Variants in FBXL22 observed in about 807,000 individuals in gnomAD.
FBXL22 encodes F-box and leucine rich repeat protein 22.
In FBXL22, 13 loss-of-function variants were observed where a neutral mutation model predicts 11.7. The observed-to-expected ratio is 1.11, with a 90% CI of 0.73 to 1.77. The LOEUF is 1.77. Among genes scored for constraint, FBXL22 ranks in the 40% most tolerant of loss-of-function variants. FBXL22 has a pLI of 0.00. For missense variants in FBXL22, 406 were observed against 320.4 expected (o/e 1.27, Z -2.04); for synonymous variants, 160 against 144.1 (o/e 1.11, Z -0.79).
chr15:63,607,084 C>T (rs1405396556), downstream of FBXL22, among the ~76,000 whole-genome samples: 3 of 149,838 alleles, frequency 2.0e-5, no homozygotes, highest in East Asian at 2.0e-4. Flanking sequence ...CTCACTCTGT[C>T]GCCCAGGCTA....
At chr15:63,599,870 C>A in intron 1 of FBXL22, 1 of 985,738 alleles carries the variant, frequency 1.0e-6, no homozygotes, top group African/African-American at 1.7e-5. Flanking sequence ...CCGTTGCAGG[C>A]TCCTCACAAC....
intron 1 of FBXL22, 140 bp from the exon 2 acceptor site, chr15:63,600,557 C>T (rs2067350710): frequency 8.1e-7 from 1 of 1,229,576 alleles, no homozygotes; most frequent in South Asian, 4.3e-5. Context: ...GACTTGGAAC[C>T]CTGCAGTGTC....
chr15:63,600,412 C>T (rs1157713262), intron 1 of FBXL22: 1 of 1,181,610 alleles, frequency 8.5e-7, no homozygotes, highest in Non-Finnish European at 1.0e-6. Flanking sequence ...CACAGCCGCC[C>T]CAGGACTCTG....
rs757169970 is a variant in FBXL22 at position 63,597,556 on chromosome 15, G to A, written c.164G>A (p.Arg55His). The A allele has an allele frequency of 2.3e-5, 37 of 1,614,016 alleles. No individual in the cohort carries two copies. Among genetic ancestry groups the A allele is most frequent in the Middle Eastern group, 3.3e-4 (2 of 6,084 alleles). ...DPALWSLLHF[R>H]SLTELQKDNF... Reference sequence around the variant, plus strand: ...GCACTCTGGTCCCTGCTGCACTTCCGTTCCCTCACTGAACTCCAGAAGGAC... The same window carrying A: ...GCACTCTGGTCCCTGCTGCACTTCCATTCCCTCACTGAACTCCAGAAGGAC... Residue 55 changes from arginine (R) to histidine (H), a missense_variant, in exon 1 of 2, where the codon CGT becomes CAT. Arg to His is a conservative substitution (Grantham distance 29, BLOSUM62 0). Transcript: ENST00000638704. The surrounding 1 kb of genome is among the most constrained non-coding windows in gnomAD (Gnocchi z 4.3).
At chr15:63,599,297 T>G in intron 1 of FBXL22, 2 of 1,484,464 alleles carry the variant, frequency 1.3e-6, no homozygotes, top group Middle Eastern at 1.7e-4. Flanking sequence ...CGCTCTTTGT[T>G]TTTTCCCTGT....
intron 1 of FBXL22, among the ~76,000 whole-genome samples, chr15:63,598,147 G>GGA: frequency 6.6e-6 from 1 of 152,254 alleles, no homozygotes; most frequent in African/African-American, 2.4e-5. Context: ...GGGAAACTAC[G>GGA]GAGGAAAGAG....
downstream of FBXL22, chr15:63,601,391 G>A: frequency 6.2e-7 from 1 of 1,600,688 alleles, no homozygotes; most frequent in Non-Finnish European, 8.5e-7. Context: ...CGGTGGGGAG[G>A]ACCTGACCAC....
chr15:63,597,631 C>T lies in FBXL22; in HGVS notation c.239C>T (p.Ser80Phe), dbSNP rs779673468. Residue 80 changes from serine (S) to phenylalanine (F), a missense_variant, in exon 1 of 2, where the codon TCC (serine) becomes TTC (phenylalanine). Coordinates refer to ENST00000638704, the MANE Select transcript of FBXL22 (RefSeq NM_001367807.1). This position sits in a 1 kb window ranked among gnomAD's most constrained non-coding sequence, Gnocchi z 4.3. ...CGCAGCCTCTCCATCTGCTGGCACTCCAGCCGCGTGCAGGTGTGCAGCATT... is the reference window on the plus strand; with the variant it reads ...CGCAGCCTCTCCATCTGCTGGCACTTCAGCCGCGTGCAGGTGTGCAGCATT... ...ALRSLSICWH[S>F]SRVQVCSIED... 6.2e-7 allele frequency: 1 copy of T among 1,613,598 alleles called. No individual in the cohort carries two copies. Among genetic ancestry groups the T allele is most frequent in the Admixed American group, 1.7e-5 (1 of 60,034 alleles).
At chr15:63,602,649 A>G (rs2067388636), downstream of FBXL22, among the ~76,000 whole-genome samples, 1 of 151,518 alleles carries the variant, frequency 6.6e-6, no homozygotes, top group African/African-American at 2.4e-5. Flanking sequence ...GGCTGTAACA[A>G]GGGCTATTAG....
chr15:63,599,489 T>C, intron 1 of FBXL22: 7 of 1,197,910 alleles, frequency 5.8e-6, no homozygotes, highest in Non-Finnish European at 7.3e-6. Flanking sequence ...CACCAGCCAG[T>C]CACCTGAGCT....
Position 63,600,924 on chromosome 15 carries a change from GCGCCGCGTGCC to G in FBXL22, c.585_595del (p.Ala196ProfsTer89). 1 of 1,210,958 alleles carries G rather than the reference GCGCCGCGTGCC, an allele frequency of 8.3e-7. No homozygotes were observed. The highest frequency in any genetic ancestry group is 1.0e-6 in the Non-Finnish European group (1 of 974,648). The allele number at this position is 1,210,958 out of a possible 1,614,324, so 75.0% of individuals were successfully genotyped here. Reference sequence around the variant, plus strand: ...AGCGCGGCCGGCCTGCGCCGCCTGCGCGCCGCGTGCCCGCGCCTGGCCCTGCGGGCAGAGCA... The same window carrying G: ...AGCGCGGCCGGCCTGCGCCGCCTGCGCGCGCCTGGCCCTGCGGGCAGAGCA... On this transcript the variant is annotated frameshift_variant, in exon 2 of 2. Transcript: ENST00000638704. LOFTEE classifies it high-confidence loss of function.
chr15:63,606,429 T>C (rs1010397112), downstream of FBXL22, among the ~76,000 whole-genome samples: 3 of 152,176 alleles, frequency 2.0e-5, no homozygotes, highest in South Asian at 2.1e-4. Context: ...ATCTGTTAAG[T>C]GAATGAGGCC....
In FBXL22 at chr15:63,597,599, G is replaced by C. The variant is rs538968144; in HGVS notation, c.207G>C (p.Pro69=). The part of the protein sequence containing the change: ...ELQKDNFLLG[P]ALRSLSICWH... Reference sequence around the variant, plus strand: ...AGAAGGACAACTTCCTCCTGGGCCCGGCACTCCGCAGCCTCTCCATCTGCT... The same window carrying C: ...AGAAGGACAACTTCCTCCTGGGCCCCGCACTCCGCAGCCTCTCCATCTGCT... The change falls in exon 1 of 2, where the codon CCG becomes CCC. Residue 69 remains proline (P), a synonymous_variant. Coordinates refer to ENST00000638704, the MANE Select transcript of FBXL22 (RefSeq NM_001367807.1). This position sits in a 1 kb window ranked among gnomAD's most constrained non-coding sequence, Gnocchi z 4.3. 6.8e-6 allele frequency: 11 copies of C among 1,613,906 alleles called. No individual in the cohort carries two copies. The highest frequency in any genetic ancestry group is 9.3e-6 in the Non-Finnish European group (11 of 1,180,022).
At chr15:63,601,991 G>T, downstream of FBXL22, 1 of 343,504 alleles carries the variant, frequency 2.9e-6, no homozygotes, top group Non-Finnish European at 5.3e-6. Flanking sequence ...AAGGCTCTCG[G>T]CCCCCCGGCA....
rs1461080022 is a variant in FBXL22, at chr15:63,600,752, T to C, written c.409T>C (p.Cys137Arg). Residue 137 changes from cysteine (C) to arginine (R), a missense_variant, in exon 2 of 2, where the codon TGC becomes CGC. By Grantham distance (180) the Cys-to-Arg change is radical. Transcript: ENST00000638704. ...GGGCTGCGGCCACGTTACCGACGACTGCCTGGCGCGCCTGCTGCGCTGCTG... is the reference window on the plus strand; with the variant it reads ...GGGCTGCGGCCACGTTACCGACGACCGCCTGGCGCGCCTGCTGCGCTGCTG... ...LSGCGHVTDD[C>R]LARLLRCCPR... The C allele has an allele frequency of 2.4e-6, 3 of 1,231,350 alleles. No individual in the cohort carries two copies. The highest frequency in any genetic ancestry group is 1.6e-5 in the African/African-American group (1 of 64,396). 76.3% of individuals were successfully genotyped at this position (1,231,350 alleles called of 1,614,324 possible). A position where few individuals can be genotyped will look rare whatever the true frequency, so the allele number is the denominator to read the frequency against.
In FBXL22 at chr15:63,600,797, C is replaced by A; in HGVS notation, c.454C>A (p.Arg152Ser). The change falls in exon 2 of 2, where the codon CGC becomes AGC. Residue 152 changes from arginine to serine, a missense_variant. Arg to Ser is a moderately radical substitution (Grantham distance 110). Transcript: ENST00000638704. ...LRCCPRLRAL[R>S]LENCARVTNR... ...CTGCTGCCCACGCCTGCGCGCACTG[C>A]GCCTGGAGAACTGCGCGCGCGTCAC... The A allele has an allele frequency of 3.2e-6, 4 of 1,231,138 alleles. No individual in the cohort carries two copies. Among genetic ancestry groups the A allele is most frequent in the Non-Finnish European group, 4.1e-6 (4 of 987,550 alleles). The allele number at this position is 1,231,138 out of a possible 1,614,324, so 76.3% of individuals were successfully genotyped here.
chr15:63,602,291 G>T (rs1345581801), downstream of FBXL22: 1 of 152,190 alleles, frequency 6.6e-6, no homozygotes, highest in Non-Finnish European at 1.5e-5. Flanking sequence ...GTATATAAGA[G>T]GGTAGAAGGG....
At chr15:63,603,681 T>C (rs1344035358), downstream of FBXL22, among the ~76,000 whole-genome samples, 1 of 152,190 alleles carries the variant, frequency 6.6e-6, no homozygotes, top group African/African-American at 2.4e-5. Context: ...CACCAGCCCT[T>C]CTGGGGACTG....
chr15:63,601,393 C>G (rs1212585690), downstream of FBXL22: 1 of 1,600,450 alleles, frequency 6.2e-7, no homozygotes, highest in Non-Finnish European at 8.5e-7. Context: ...GTGGGGAGGA[C>G]CTGACCACTC....
Sources: gnomAD v4.1 joint callset for allele counts (sites outside exome capture counted in the v4.1 genomes callset) on GRCh38, gnomAD v4.1.1 for gene constraint, Gnocchi (gnomAD v3.1) non-coding constraint, MANE v1.5 for transcripts, NCBI Gene and HGNC (gene_info 2026-07-23, HGNC 2026-07-21) for gene names.